The following MCM9 variants were observed in gnomAD, a reference collection of about 807,000 sequenced individuals.
The protein encoded by MCM9 is DNA helicase MCM9.
In MCM9, 55 loss-of-function variants were observed where a neutral mutation model predicts 72.8. The observed-to-expected ratio is 0.76, with a 90% CI of 0.61 to 0.95. The LOEUF (loss-of-function observed/expected upper bound fraction) is 0.95, where lower values mean the gene tolerates loss of function less well. Among genes scored for constraint, MCM9 ranks in the 40% least tolerant of loss-of-function variants. MCM9 has a pLI of 0.00. For synonymous variants in MCM9, 480 were observed against 503.4 expected, an observed-to-expected ratio of 0.95 and a Z score of 0.62; for missense variants, 1,279 against 1,377.0, an observed-to-expected ratio of 0.93 and a Z score of 1.13.
chr6:118,863,966 T>G (rs1171935192), intron 8 of MCM9, among the ~76,000 whole-genome samples: 1 of 151,714 alleles, frequency 6.6e-6, no homozygotes, highest in Non-Finnish European at 1.5e-5. Context: ...ACATCAATGT[T>G]CTAAATATAT....
At chr6:118,855,852 C>T (rs1388881947) in intron 9 of MCM9, among the ~76,000 whole-genome samples, 1 of 152,118 alleles carries the variant, frequency 6.6e-6, no homozygotes, top group Non-Finnish European at 1.5e-5. Context: ...TTATGTGTAG[C>T]CAGGGACTCA....
chr6:118,884,210 G>A (rs1778461336), intron 8 of MCM9, among the ~76,000 whole-genome samples: 1 of 152,008 alleles, frequency 6.6e-6, no homozygotes, highest in Non-Finnish European at 1.5e-5. Flanking sequence ...TCTTCAAAAG[G>A]TATAAAATTA....
rs1464074060 is a variant in MCM9 at position 118,815,032 on chromosome 6, G to A, written c.3224C>T (p.Pro1075Leu). 1 of 1,550,416 alleles carries A rather than the reference G, an allele frequency of 6.4e-7. No homozygotes were observed. Among genetic ancestry groups the A allele is most frequent in the South Asian group, 1.2e-5 (1 of 84,030 alleles). The part of the protein sequence containing the change: ...PPSESKSKSP[P>L]PERKNRGERG... ...CTCACCTCGGTTCTTCCTTTCAGGA[G>A]GAGGGGATTTTGATTTGGATTCCGA... The change falls in exon 14 of 14, where the codon CCT becomes CTT. Residue 1075 changes from proline (P) to leucine (L), a missense_variant. Transcript: ENST00000619706.
At chr6:118,922,862 G>A (rs1781542925) in intron 4 of MCM9, among the ~76,000 whole-genome samples, 1 of 151,870 alleles carries the variant, frequency 6.6e-6, no homozygotes, top group Non-Finnish European at 1.5e-5. Flanking sequence ...GTGAAACCCT[G>A]TCTCTACTAA....
chr6:118,856,428 T>C lies in MCM9; in HGVS notation c.1268A>G (p.Asp423Gly), dbSNP rs1316391327. ...CATTGCTTCATGGATACTGGTCCTA[T>C]CATGCTCTTTGAGGCTATTGAACTC... ...IDEFNSLKEH[D>G]RTSIHEAMEQ... The change falls in exon 9 of 14, where the codon GAT (aspartate) becomes GGT (glycine). Residue 423 changes from aspartate to glycine, a missense_variant. Transcript: ENST00000619706. 5 of 1,535,700 alleles carry C rather than the reference T, an allele frequency of 3.3e-6. No individual in the cohort carries two copies. The Admixed American group carries it at 5.9e-5, about 18-fold the overall frequency.
intron 8 of MCM9, among the ~76,000 whole-genome samples, chr6:118,888,851 T>C (rs987568237): frequency 6.6e-6 from 1 of 152,308 alleles, no homozygotes; most frequent in African/African-American, 2.4e-5. Flanking sequence ...AGATTCCGTT[T>C]ATATGAAATG....
At chr6:118,842,797 G>C (rs1423120444) in intron 9 of MCM9, among the ~76,000 whole-genome samples, 1 of 152,118 alleles carries the variant, frequency 6.6e-6, no homozygotes, top group Non-Finnish European at 1.5e-5. Flanking sequence ...GGGATTACAA[G>C]TGTGAGCCAC....
rs1211737780 is a variant in MCM9, at chr6:118,928,864, A to C, written c.304+2556T>G. ...AGTGAGACCCTGTCTCAAAAAAAAAAAAAGAATTCATACATGTAAAGTTTC... is the reference window on the plus strand; with the variant it reads ...AGTGAGACCCTGTCTCAAAAAAAAACAAAGAATTCATACATGTAAAGTTTC... On this transcript the variant is annotated intron_variant, in intron 3 of 13. Transcript: ENST00000619706. Among the ~76,000 whole-genome samples the C allele has an allele frequency of 2.0e-5, 3 of 152,204 alleles. No homozygotes were observed. In the East Asian group the frequency reaches 5.8e-4, roughly 29 times the overall value.
intron 1 of MCM9, among the ~76,000 whole-genome samples, chr6:118,933,513 A>G (rs1250457931): frequency 6.6e-6 from 1 of 152,060 alleles, no homozygotes; most frequent in Admixed American, 6.6e-5. Flanking sequence ...TCAAAAAAAA[A>G]AAAAAAGAGA....
At chr6:118,864,703 C>T (rs959730744) in intron 8 of MCM9, among the ~76,000 whole-genome samples, 3 of 152,090 alleles carry the variant, frequency 2.0e-5, no homozygotes, top group Admixed American at 6.5e-5. Flanking sequence ...CATGTAGAAC[C>T]CTAACTCTAA....
intron 5 of MCM9, chr6:118,919,442 C>A (rs545182029): frequency 1.3e-5 from 2 of 152,132 alleles, no homozygotes; most frequent in South Asian, 4.1e-4. Context: ...GGATAATGTA[C>A]GTAAATTACT....
At chr6:118,828,935 C>T in intron 10 of MCM9, 113 bp downstream of exon 10, 2 of 1,069,558 alleles carry the variant, frequency 1.9e-6, no homozygotes, top group Non-Finnish European at 2.7e-6. Flanking sequence ...TTCTCTATTG[C>T]CTGGTACTAC....
chr6:118,909,086 T>C (rs1321579498), intron 8 of MCM9: 2 of 152,186 alleles, frequency 1.3e-5, no homozygotes, highest in Non-Finnish European at 2.9e-5. Flanking sequence ...TAAAACTATA[T>C]AAAGAAAATC....
chr6:118,927,988 G>A (rs1301470923), intron 3 of MCM9, among the ~76,000 whole-genome samples: 1 of 152,198 alleles, frequency 6.6e-6, no homozygotes, highest in African/African-American at 2.4e-5. Flanking sequence ...AGGGCCTTTT[G>A]TGACTGGCTT....
intron 8 of MCM9, among the ~76,000 whole-genome samples, chr6:118,892,366 T>C (rs893157950): frequency 2.0e-5 from 3 of 152,212 alleles, no homozygotes; most frequent in Non-Finnish European, 4.4e-5. Context: ...CAGTCCTTCA[T>C]GCTGCACATC....
chr6:118,872,509 G>A (rs1213088221), intron 8 of MCM9, among the ~76,000 whole-genome samples: 1 of 152,060 alleles, frequency 6.6e-6, no homozygotes, highest in Non-Finnish European at 1.5e-5. Context: ...CTACTCAGGA[G>A]GCTGAGTCAG....
chr6:118,893,413 A>G lies in MCM9; in HGVS notation c.1150+18237T>C, dbSNP rs141942868. ...CTGCTATGCTCTCCAAATGGCAGTA[A>G]CCTGAAGTATAACTGATCACACCTC... On this transcript the variant is annotated intron_variant, in intron 8 of 13. Transcript: ENST00000619706. 8.5e-3 allele frequency among the ~76,000 whole-genome samples: 1,289 copies of G among 152,160 alleles called. 18 individuals are homozygous for G. Among genetic ancestry groups the G allele is most frequent in the African/African-American group, 0.029 (1,198 of 41,476 alleles).
At chr6:118,907,909 G>C in intron 8 of MCM9, 1 of 231,284 alleles carries the variant, frequency 4.3e-6, no homozygotes, top group South Asian at 8.0e-5. Context: ...AAAGAAACAG[G>C]AATCATTAGA....
Position 118,843,714 on chromosome 6 carries a change from A to G in MCM9, c.1325+12657T>C, listed in dbSNP as rs1264280971. On this transcript the variant is annotated intron_variant, in intron 9 of 13. Coordinates refer to ENST00000619706, the MANE Select transcript of MCM9 (RefSeq NM_017696.3). Reference sequence around the variant, plus strand: ...TATATATATATATATGTATGTATATATATATGTATATATATATATATATAT... The same window carrying G: ...TATATATATATATATGTATGTATATGTATATGTATATATATATATATATAT... 4.9e-5 allele frequency among the ~76,000 whole-genome samples: 4 copies of G among 80,932 alleles called. 1 individual carries two copies. Among genetic ancestry groups the G allele is most frequent in the African/African-American group, 1.9e-4 (4 of 20,684 alleles). The allele number at this position is 80,932 out of a possible 152,430, so 53.1% of individuals were successfully genotyped here.
Sources: gnomAD v4.1 joint callset for allele counts (sites outside exome capture counted in the v4.1 genomes callset) on GRCh38, gnomAD v4.1.1 for gene constraint, MANE v1.5 for transcripts, NCBI Gene and HGNC (gene_info 2026-07-23, HGNC 2026-07-21) for gene names.